Variants in SARDH observed in about 807,000 individuals in gnomAD.
SARDH encodes sarcosine dehydrogenase.
SARDH carries 95 observed loss-of-function variants against 109.1 expected under a neutral mutation model. The ratio of observed to expected loss-of-function variants is 0.87; its 90% confidence interval spans 0.74 to 1.03. SARDH has a LOEUF of 1.03. Among genes scored for constraint, SARDH ranks in the 50% least tolerant of loss-of-function variants. The pLI is 0.00. For synonymous variants in SARDH, 572 were observed against 534.8 expected (o/e 1.07, Z -0.96); for missense variants, 1,267 against 1,287.8 (o/e 0.98, Z 0.25).
upstream of SARDH, chr9:133,739,939 A>G (rs1833002595): frequency 6.6e-6 from 1 of 152,282 alleles, no homozygotes; most frequent in Admixed American, 6.5e-5. Context: ...CCCTGCACTC[A>G]AAGACAAGTT....
At chr9:133,737,024 C>T (rs1408574150) in intron 1 of SARDH, among the ~76,000 whole-genome samples, 1 of 152,226 alleles carries the variant, frequency 6.6e-6, no homozygotes, top group Non-Finnish European at 1.5e-5. Context: ...GGAGAGGCTC[C>T]CTGAGGTGAC....
chr9:133,661,469 T>C, downstream of SARDH, among the ~76,000 whole-genome samples: 1 of 152,114 alleles, frequency 6.6e-6, no homozygotes, highest in East Asian at 1.9e-4. Context: ...CCGGTGACGA[T>C]GTAGGCACTT....
At chr9:133,711,477 G>A (rs1191248194) in intron 10 of SARDH, among the ~76,000 whole-genome samples, 1 of 152,202 alleles carries the variant, frequency 6.6e-6, no homozygotes, top group East Asian at 1.9e-4. Context: ...GACATTCCTC[G>A]CTTGGGAGAG....
chr9:133,716,124 C>T (rs369708905), intron 8 of SARDH, among the ~76,000 whole-genome samples: 13 of 152,228 alleles, frequency 8.5e-5, no homozygotes, highest in Non-Finnish European at 1.5e-4. Flanking sequence ...CCTCCAGGGC[C>T]GGGCTAGGCT....
intron 19 of SARDH, among the ~76,000 whole-genome samples, chr9:133,669,678 T>C (rs1830266448): frequency 6.6e-6 from 1 of 152,116 alleles, no homozygotes; most frequent in African/African-American, 2.4e-5. Context: ...AGGCAGAGTC[T>C]CTCCTTCCAC....
At chr9:133,675,536 C>T (rs541042626) in intron 17 of SARDH, among the ~76,000 whole-genome samples, 210 of 152,158 alleles carry the variant, frequency 1.4e-3, no homozygotes, top group Middle Eastern at 3.4e-3. Flanking sequence ...AAGAAAGTAA[C>T]GAGTGTTGGT....
At chr9:133,689,283 C>T (rs1831007245) in intron 16 of SARDH, among the ~76,000 whole-genome samples, 1 of 151,920 alleles carries the variant, frequency 6.6e-6, no homozygotes, top group South Asian at 2.1e-4. Flanking sequence ...CCTCCATGTC[C>T]CCAGAAGCAG....
intron 17 of SARDH, among the ~76,000 whole-genome samples, chr9:133,682,524 C>T (rs1033184590): frequency 6.6e-6 from 1 of 152,244 alleles, no homozygotes; most frequent in Non-Finnish European, 1.5e-5. Flanking sequence ...AGATGAGCTT[C>T]GTGCCGCAGC....
rs549019283 is a variant in SARDH, at chr9:133,692,020, G to T, written c.1922-1493C>A. Among the ~76,000 whole-genome samples, 1 of 152,180 alleles carries T rather than the reference G, an allele frequency of 6.6e-6. No individual in the cohort carries two copies. Among genetic ancestry groups the T allele is most frequent in the East Asian group, 1.9e-4 (1 of 5,192 alleles). ...GTGCACCACTGGGAGATGGCTCAGC[G>T]TTGAAAGCACTTTCCTGACAGCTTC... On this transcript the variant is annotated intron_variant, in intron 15 of 20. Coordinates refer to ENST00000439388, the MANE Select transcript of SARDH (RefSeq NM_001134707.2). This position sits in a 1 kb window ranked among gnomAD's most constrained non-coding sequence, Gnocchi z 5.0.
intron 11 of SARDH, among the ~76,000 whole-genome samples, chr9:133,707,112 T>G (rs1330691908): frequency 6.6e-6 from 1 of 152,078 alleles, no homozygotes; most frequent in Non-Finnish European, 1.5e-5. Flanking sequence ...AGAACAAACT[T>G]AAGCGGCTGT....
At chr9:133,668,467 C>A (rs1459408667) in intron 19 of SARDH, among the ~76,000 whole-genome samples, 1 of 28,036 alleles carries the variant, frequency 3.6e-5, no homozygotes, top group Non-Finnish European at 7.5e-5. Context: ...CTCGCCCTCC[C>A]TCTCCCCTCG....
At chr9:133,659,859 C>T (rs1160384597), downstream of SARDH, among the ~76,000 whole-genome samples, 1 of 152,072 alleles carries the variant, frequency 6.6e-6, no homozygotes, top group Non-Finnish European at 1.5e-5. Context: ...CCCAAGAAGC[C>T]TCTTCCCGCG....
intron 13 of SARDH, among the ~76,000 whole-genome samples, chr9:133,698,148 A>C (rs991445327): frequency 3.8e-4 from 58 of 152,252 alleles, no homozygotes; most frequent in African/African-American, 1.3e-3. Context: ...CAGTCTCAAA[A>C]GGAAGTTTTA....
chr9:133,660,610 C>CTGAG (rs1832400587), downstream of SARDH, among the ~76,000 whole-genome samples: 2 of 152,196 alleles, frequency 1.3e-5, no homozygotes, highest in African/African-American at 4.8e-5. Context: ...CTGTGTGACC[C>CTGAG]TGAGTTAGTT....
intron 17 of SARDH, among the ~76,000 whole-genome samples, chr9:133,680,699 G>A (rs1830667261): frequency 6.6e-6 from 1 of 152,202 alleles, no homozygotes. Flanking sequence ...CGGCCACCCA[G>A]CAACTTCAAG....
In SARDH at chr9:133,735,896, C is replaced by T. The variant is rs575043953; in HGVS notation, c.-30-1693G>A. 5.4e-3 allele frequency among the ~76,000 whole-genome samples: 757 copies of T among 141,104 alleles called. 5 individuals carry two copies. Among genetic ancestry groups the T allele is most frequent in the African/African-American group, 0.019 (723 of 38,658 alleles). 92.6% of individuals were successfully genotyped at this position (141,104 alleles called of 152,430 possible). ...CCATCTCTACTAAAAATACATTAGC[C>T]GGGGGTGGTGGTGCATGCCTGTAAT... On this transcript the variant is annotated intron_variant, in intron 1 of 20. Transcript: ENST00000439388.
intron 8 of SARDH, 29 bp downstream of exon 8, chr9:133,717,297 C>T (rs748384303): frequency 3.5e-5 from 57 of 1,612,388 alleles, no homozygotes; most frequent in Non-Finnish European, 4.6e-5. Flanking sequence ...CCCATGGACG[C>T]CCACCCCAGC....
At chr9:133,684,688 G>T (rs1830820294) in intron 17 of SARDH, among the ~76,000 whole-genome samples, 1 of 152,152 alleles carries the variant, frequency 6.6e-6, no homozygotes, top group Non-Finnish European at 1.5e-5. Flanking sequence ...TTCTAGAGTT[G>T]GTGGGGGACA....
intron 13 of SARDH, among the ~76,000 whole-genome samples, chr9:133,702,138 G>A (rs545731803): frequency 6.6e-6 from 1 of 152,362 alleles, no homozygotes; most frequent in East Asian, 1.9e-4. Context: ...TCTCCCTGGG[G>A]TGGCACGGGG....
Sources: gnomAD v4.1 joint callset for allele counts (sites outside exome capture counted in the v4.1 genomes callset) on GRCh38, gnomAD v4.1.1 for gene constraint, Gnocchi (gnomAD v3.1) non-coding constraint, MANE v1.5 for transcripts, NCBI Gene and HGNC (gene_info 2026-07-23, HGNC 2026-07-21) for gene names.